SLC71A2: variants seen among roughly 807,000 people sequenced by gnomAD.
SLC71A2 encodes the protein solute carrier family 71 member 2, also known as hippocampus abundant transcript-like 1.
chr9:94,443,218 C>G, the SLC71A2 span, among the ~76,000 whole-genome samples: 1 of 152,070 alleles, frequency 6.6e-6, no homozygotes, highest in African/African-American at 2.4e-5. Flanking sequence ...TATCTACTCA[C>G]AGGGGCATTG....
the SLC71A2 span, among the ~76,000 whole-genome samples, chr9:94,413,101 A>G: frequency 4.9e-4 from 74 of 151,878 alleles, no homozygotes; most frequent in African/African-American, 1.7e-3. Flanking sequence ...TGAAGAGTAT[A>G]CTAGTATTCC....
chr9:94,374,856 G>A, the SLC71A2 span: 3 of 967,382 alleles, frequency 3.1e-6, no homozygotes, highest in Non-Finnish European at 4.0e-6. Context: ...GGAGGAGAAG[G>A]CGGCGTCGGA....
the SLC71A2 span, among the ~76,000 whole-genome samples, chr9:94,425,504 T>C: frequency 3.9e-5 from 6 of 152,130 alleles, no homozygotes; most frequent in Non-Finnish European, 8.8e-5. Context: ...GATGAAATCA[T>C]GGGGCGTTGA....
chr9:94,404,863 T>C, the SLC71A2 span, among the ~76,000 whole-genome samples: 1 of 152,186 alleles, frequency 6.6e-6, no homozygotes, highest in Non-Finnish European at 1.5e-5. Context: ...TTTTTATGTA[T>C]TTTTTCTTTT....
At chr9:94,415,042 A>G in the SLC71A2 span, 3 of 694,544 alleles carry the variant, frequency 4.3e-6, no homozygotes, top group South Asian at 1.8e-5. Context: ...ATTTTAAATG[A>G]CAGAGGTAGG....
At chr9:94,431,427 A>G in the SLC71A2 span, among the ~76,000 whole-genome samples, 1 of 151,674 alleles carries the variant, frequency 6.6e-6, no homozygotes, top group African/African-American at 2.4e-5. Flanking sequence ...ATATTAATAA[A>G]TCATATTTAT....
the SLC71A2 span, among the ~76,000 whole-genome samples, chr9:94,434,424 C>T: frequency 6.6e-6 from 1 of 152,188 alleles, no homozygotes; most frequent in Non-Finnish European, 1.5e-5. Flanking sequence ...TCAAGTGATT[C>T]TCCTGCCTCA....
chr9:94,451,785 G>A, the SLC71A2 span, among the ~76,000 whole-genome samples: 1 of 152,166 alleles, frequency 6.6e-6, no homozygotes, highest in African/African-American at 2.4e-5. Flanking sequence ...TAATTTAGGG[G>A]AAATTTTTTA....
the SLC71A2 span, chr9:94,441,023 C>T: frequency 4.3e-6 from 7 of 1,610,840 alleles, no homozygotes; most frequent in African/African-American, 1.3e-5. Context: ...GGAGTCTTCT[C>T]GGTCACGTTT....
At chr9:94,422,831 T>C in the SLC71A2 span, among the ~76,000 whole-genome samples, 1 of 152,232 alleles carries the variant, frequency 6.6e-6, no homozygotes, top group Non-Finnish European at 1.5e-5. Context: ...TAGGAGTTCT[T>C]TATATATTCT....
chr9:94,454,163 T>C, the SLC71A2 span: 8 of 829,580 alleles, frequency 9.6e-6, no homozygotes, highest in Non-Finnish European at 1.4e-5. Flanking sequence ...GAAGCAAGGG[T>C]TATTTTGCTG....
chr9:94,452,696 C>CAT, the SLC71A2 span, among the ~76,000 whole-genome samples: 1 of 66,156 alleles, frequency 1.5e-5, no homozygotes, highest in Non-Finnish European at 3.1e-5. Context: ...CATATATATT[C>CAT]ATATATTCAT....
At chr9:94,374,898 G>A in the SLC71A2 span, 1 of 1,262,500 alleles carries the variant, frequency 7.9e-7, no homozygotes, top group Non-Finnish European at 1.0e-6. Context: ...GGAGAAGCGC[G>A]CGGGCGCGCA....
chr9:94,417,051 A>G, the SLC71A2 span, among the ~76,000 whole-genome samples: 2 of 152,056 alleles, frequency 1.3e-5, no homozygotes, highest in African/African-American at 4.8e-5. Context: ...ATGAGATTCT[A>G]ATTTTCCTCA....
chr9:94,404,934 T>C, the SLC71A2 span, among the ~76,000 whole-genome samples: 10 of 152,226 alleles, frequency 6.6e-5, no homozygotes, highest in African/African-American at 2.2e-4. Context: ...ACCAGGAAGC[T>C]TTCCTCCATG....
At chr9:94,380,303 A>G in the SLC71A2 span, among the ~76,000 whole-genome samples, 1 of 150,728 alleles carries the variant, frequency 6.6e-6, no homozygotes, top group African/African-American at 2.4e-5. Flanking sequence ...AGTTTCTTAC[A>G]TGTGTTCTCT....
chr9:94,433,782 C>T, the SLC71A2 span, among the ~76,000 whole-genome samples: 1 of 152,040 alleles, frequency 6.6e-6, no homozygotes, highest in African/African-American at 2.4e-5. Flanking sequence ...AGTAAAAATA[C>T]ATTTATTACT....
chr9:94,383,308 G>A, the SLC71A2 span, among the ~76,000 whole-genome samples: 3 of 151,236 alleles, frequency 2.0e-5, no homozygotes, highest in African/African-American at 4.9e-5. Context: ...GATTACAGGC[G>A]CACGCCACCA....
the SLC71A2 span, among the ~76,000 whole-genome samples, chr9:94,390,962 T>C: frequency 6.6e-6 from 1 of 151,894 alleles, no homozygotes; most frequent in African/African-American, 2.4e-5. Flanking sequence ...TGCTCATGAT[T>C]GTTCTTCAGG....
Sources: gnomAD v4.1 joint callset for allele counts (sites outside exome capture counted in the v4.1 genomes callset) on GRCh38, gnomAD v4.1.1 for gene constraint, MANE v1.5 for transcripts, NCBI Gene and HGNC (gene_info 2026-07-23, HGNC 2026-07-21) for gene names.